Variants in GRM8 observed in about 807,000 individuals in gnomAD.
The protein encoded by GRM8 is metabotropic glutamate receptor 8.
Under a neutral mutation model 87.2 loss-of-function variants are expected in GRM8, and 47 were observed. The ratio of observed to expected loss-of-function variants is 0.54; its 90% CI spans 0.43 to 0.69. The LOEUF (loss-of-function observed/expected upper bound fraction) is 0.69. Among genes scored for constraint, GRM8 ranks in the 30% least tolerant of loss-of-function variants. The pLI is 0.00. For missense variants in GRM8, 1,019 were observed against 1,139.2 expected (o/e 0.89, Z 1.52); for synonymous variants, 396 against 404.5 (o/e 0.98, Z 0.25).
intron 8 of GRM8, among the ~76,000 whole-genome samples, chr7:126,579,791 G>C (rs1795444693): frequency 6.6e-6 from 1 of 152,012 alleles, no homozygotes. Context: ...TAAGGAATTA[G>C]TAAAAACTAA....
chr7:127,142,147 T>C lies in GRM8; in HGVS notation c.511-35435A>G, dbSNP rs548201515. On this transcript the variant is annotated intron_variant, in intron 2 of 10. Coordinates refer to ENST00000339582, the MANE Select transcript of GRM8 (RefSeq NM_000845.3). The stretch of plus-strand genomic sequence containing the variant: ...CACCACCATGCACACCTAATATTTT[T>C]TTAAAAATTTTGTAGAGATGGGGTC... 3.9e-5 allele frequency among the ~76,000 whole-genome samples: 6 copies of C among 152,166 alleles called. No individual in the cohort carries two copies. In the South Asian group the frequency reaches 1.2e-3, roughly 32 times the overall value.
intron 9 of GRM8, among the ~76,000 whole-genome samples, chr7:126,504,109 T>C (rs924462086): frequency 2.0e-5 from 3 of 151,984 alleles, no homozygotes; most frequent in African/African-American, 7.2e-5. Flanking sequence ...TCTCATGGAG[T>C]TTGGTTTGAT....
At chr7:126,994,168 G>A (rs1435564349) in intron 3 of GRM8, among the ~76,000 whole-genome samples, 1 of 152,116 alleles carries the variant, frequency 6.6e-6, no homozygotes, top group East Asian at 1.9e-4. Flanking sequence ...GGGTAGATCA[G>A]TGGGCAGAGT....
chr7:126,763,472 T>TACAC lies in GRM8; in HGVS notation c.1357+6389_1357+6392dup, dbSNP rs143608746. Among the ~76,000 whole-genome samples the TACAC allele has an allele frequency of 2.5e-3, 195 of 78,354 alleles. 1 individual carries two copies. The highest frequency in any genetic ancestry group is 9.1e-3 in the East Asian group (21 of 2,296). 51.4% of individuals were successfully genotyped at this position (78,354 alleles called of 152,430 possible). On this transcript the variant is annotated intron_variant, in intron 7 of 10. Transcript: ENST00000339582. ...ATATATATATATATATATATATATA[T>TACAC]ACACACACACACACACACACACACA...
chr7:126,570,468 C>A (rs545871666), intron 8 of GRM8, among the ~76,000 whole-genome samples: 1 of 152,292 alleles, frequency 6.6e-6, no homozygotes, highest in South Asian at 2.1e-4. Flanking sequence ...ATAAACTAGA[C>A]ATTAGAAATT....
chr7:126,843,400 A>G (rs1394885669), intron 6 of GRM8, among the ~76,000 whole-genome samples: 1 of 152,268 alleles, frequency 6.6e-6, no homozygotes, highest in African/African-American at 2.4e-5. Flanking sequence ...ATTATTTGGA[A>G]TAAAAAAAGA....
chr7:127,037,273 T>C (rs1336736834), intron 3 of GRM8, among the ~76,000 whole-genome samples: 1 of 152,190 alleles, frequency 6.6e-6, no homozygotes, highest in Non-Finnish European at 1.5e-5. Context: ...GCCATGTCTA[T>C]GGATTCCAGA....
rs564279261 is a variant in GRM8 at position 126,724,895 on chromosome 7, G to A, written c.1357+44970C>T. On this transcript the variant is annotated intron_variant, in intron 7 of 10. Transcript: ENST00000339582. ...GAAGAGAAGAAAATGAAATAAACAA[G>A]ACATCCAAAGTTACTTGAATGGATG... is the stretch of plus-strand genomic sequence containing the variant. Among the ~76,000 whole-genome samples the A allele has an allele frequency of 1.3e-4, 20 of 152,132 alleles. 1 individual carries two copies. The highest frequency in any genetic ancestry group is 1.1e-3 in the Admixed American group (17 of 15,264).
At chr7:126,633,268 C>CA (rs1379670982) in intron 7 of GRM8, among the ~76,000 whole-genome samples, 1 of 151,990 alleles carries the variant, frequency 6.6e-6, no homozygotes, top group Non-Finnish European at 1.5e-5. Flanking sequence ...CTGTAAAAAA[C>CA]AAACAAACAA....
At position 127,245,506 on chromosome 7, in the gene GRM8, C is replaced by A. The variant is rs184411005; in HGVS notation, c.-311-1991G>T. Among the ~76,000 whole-genome samples, 6 of 152,348 alleles carry A rather than the reference C, an allele frequency of 3.9e-5. No individual in the cohort carries two copies. The East Asian group carries it at 1.2e-3, about 29-fold the overall frequency. On this transcript the variant is annotated intron_variant, in intron 1 of 10. Transcript: ENST00000339582. ...AACAGCCCATCTGTTCATCACAATG[C>A]ATCCTTACCTATCCATGTGGCATTA...
At chr7:126,496,336 T>C (rs1346985469) in intron 9 of GRM8, among the ~76,000 whole-genome samples, 2 of 151,806 alleles carry the variant, frequency 1.3e-5, no homozygotes, top group East Asian at 3.9e-4. Flanking sequence ...ATTTTATAGA[T>C]TAGATAAATG....
intron 3 of GRM8, among the ~76,000 whole-genome samples, chr7:127,103,457 T>C (rs1290328627): frequency 6.6e-6 from 1 of 152,142 alleles, no homozygotes; most frequent in African/African-American, 2.4e-5. Flanking sequence ...ATTGTAGGCC[T>C]CCTGAGGCCT....
chr7:126,483,691 G>T (rs989573033), intron 9 of GRM8, among the ~76,000 whole-genome samples: 1 of 143,084 alleles, frequency 7.0e-6, no homozygotes, highest in Non-Finnish European at 1.5e-5. Flanking sequence ...TTTATCACAG[G>T]TATTTTATAT....
chr7:127,058,087 C>T (rs1820185648), intron 3 of GRM8: 4 of 484,330 alleles, frequency 8.3e-6, no homozygotes, highest in Non-Finnish European at 1.7e-5. Flanking sequence ...CTTTAACTGG[C>T]GTTGTGACGT....
chr7:126,909,618 A>G (rs1803080754), intron 3 of GRM8, among the ~76,000 whole-genome samples: 1 of 152,180 alleles, frequency 6.6e-6, no homozygotes, highest in African/African-American at 2.4e-5. Flanking sequence ...TTTCCTGGCT[A>G]GTTTCCTTGC....
rs1470501592 is a variant in GRM8 at position 126,477,607 on chromosome 7, G to GAAAGAAAGAAAT, written c.2431-31236_2431-31235insATTTCTTTCTTT. Among the ~76,000 whole-genome samples, 12 of 121,198 alleles carry GAAAGAAAGAAAT rather than the reference G, an allele frequency of 9.9e-5. No individual in the cohort carries two copies. In the South Asian group the frequency reaches 1.3e-3, roughly 13 times the overall value. 79.5% of individuals were successfully genotyped at this position (121,198 alleles called of 152,430 possible). A position where few individuals can be genotyped will look rare whatever the true frequency, so the allele number is the denominator to read the frequency against. ...AGAAAGAAAGAAAGAAAGAAAGAAA[G>GAAAGAAAGAAAT]AAAGAAAGAAAGAAAGAAAGAAAGA... On this transcript the variant is annotated intron_variant, in intron 9 of 10. Coordinates refer to ENST00000339582, the MANE Select transcript of GRM8 (RefSeq NM_000845.3).
chr7:126,812,987 CTGTA>C (rs777259152), intron 6 of GRM8, among the ~76,000 whole-genome samples: 2 of 151,956 alleles, frequency 1.3e-5, no homozygotes, highest in East Asian at 3.9e-4. Context: ...GAACATTTAC[CTGTA>C]TGTGTTTTTA....
At chr7:127,105,946 A>G (rs1825765937) in intron 3 of GRM8, among the ~76,000 whole-genome samples, 2 of 152,242 alleles carry the variant, frequency 1.3e-5, no homozygotes, top group Non-Finnish European at 2.9e-5. Flanking sequence ...TGTTGTAAAC[A>G]AGTTTTTACA....
At chr7:127,133,914 T>C (rs1827824041) in intron 2 of GRM8, among the ~76,000 whole-genome samples, 1 of 152,122 alleles carries the variant, frequency 6.6e-6, no homozygotes, top group South Asian at 2.1e-4. Context: ...AAGAAAAGTA[T>C]ATTTATTGAG....
Sources: allele counts gnomAD v4.1 joint callset (sites outside exome capture counted in the v4.1 genomes callset), GRCh38; gene constraint gnomAD v4.1.1; transcripts MANE v1.5; gene names NCBI Gene and HGNC (gene_info 2026-07-23, HGNC 2026-07-21).